The following PFKFB3 variants were observed in gnomAD, a reference collection of about 807,000 sequenced individuals.
PFKFB3 encodes the protein 6-phosphofructo-2-kinase/fructose-2,6-biphosphatase 3.
Under a neutral mutation model 68.0 loss-of-function variants are expected in PFKFB3, and 33 were observed. The observed-to-expected ratio is 0.49, with a 90% CI of 0.37 to 0.65. PFKFB3 has a LOEUF of 0.65. Ranked by LOEUF, PFKFB3 falls within the 30% of genes least tolerant of loss-of-function variation. The pLI, the probability that PFKFB3 is intolerant of heterozygous loss-of-function variation, is 0.00. For synonymous variants in PFKFB3, 315 were observed against 288.2 expected, an observed-to-expected ratio of 1.09 and a Z score of -0.94; for missense variants, 586 against 712.2, an observed-to-expected ratio of 0.82 and a Z score of 2.02.
At chr10:6,308,274 A>G in the PFKFB3 span, among the ~76,000 whole-genome samples, 2 of 152,240 alleles carry the variant, frequency 1.3e-5, no homozygotes, top group Non-Finnish European at 2.9e-5. Context: ...ACACTTAGGG[A>G]GGCCAAGGCA....
chr10:6,224,282 A>G, intron 13 of PFKFB3, 69 bp downstream of exon 13: 1 of 1,523,236 alleles, frequency 6.6e-7, no homozygotes, highest in South Asian at 1.1e-5. Flanking sequence ...ATGGGCGCTC[A>G]GGAGGCCCCG....
the PFKFB3 span, among the ~76,000 whole-genome samples, chr10:6,319,162 A>G: frequency 6.6e-6 from 1 of 152,242 alleles, no homozygotes; most frequent in Admixed American, 6.5e-5. Context: ...GCTATGCAGT[A>G]TCCACCCAAA....
the PFKFB3 span, among the ~76,000 whole-genome samples, chr10:6,306,257 A>G: frequency 6.6e-6 from 1 of 152,242 alleles, no homozygotes; most frequent in African/African-American, 2.4e-5. Flanking sequence ...CCAGTTTTCT[A>G]TGATGATTCT....
intron 1 of PFKFB3, among the ~76,000 whole-genome samples, chr10:6,196,985 A>ATTATTATTC (rs1177822403): frequency 1.3e-5 from 2 of 151,330 alleles, no homozygotes; most frequent in African/African-American, 4.9e-5. Context: ...ACTTATTATT[A>ATTATTATTC]TTATTATTAT....
At chr10:6,151,692 A>G (rs1342994334) in intron 1 of PFKFB3, among the ~76,000 whole-genome samples, 1 of 152,174 alleles carries the variant, frequency 6.6e-6, no homozygotes, top group Admixed American at 6.5e-5. Context: ...TCAGGCAGGC[A>G]GGGGCAAACG....
chr10:6,311,938 T>C, the PFKFB3 span, among the ~76,000 whole-genome samples: 1 of 152,094 alleles, frequency 6.6e-6, no homozygotes, highest in African/African-American at 2.4e-5. Flanking sequence ...GTCCCTGAAA[T>C]AGCTCCAAGA....
chr10:6,158,245 C>T (rs544777264), intron 1 of PFKFB3, among the ~76,000 whole-genome samples: 237 of 151,894 alleles, frequency 1.6e-3, no homozygotes, highest in Non-Finnish European at 3.0e-3. Context: ...GCCGAGATTG[C>T]GCCACTGCAC....
chr10:6,215,285 C>T lies in PFKFB3; in HGVS notation c.267C>T (p.Arg89=), dbSNP rs772727967. The change falls in exon 3 of 15, where the codon CGC becomes CGT. Residue 89 remains arginine (R), a synonymous_variant. Coordinates refer to ENST00000379775, the MANE Select transcript of PFKFB3 (RefSeq NM_004566.4). The surrounding 1 kb of genome is among the most constrained non-coding windows in gnomAD (Gnocchi z 4.3). ...AGTACAGCTCCTACAACTTCTTCCG[C>T]CCCGACAATGAGGAAGCCATGAAAG... ...VKQYSSYNFF[R]PDNEEAMKVR... is the part of the protein sequence containing the mutation. The T allele has an allele frequency of 1.9e-6, 3 of 1,613,958 alleles. No individual in the cohort carries two copies. The highest frequency in any genetic ancestry group is 2.5e-6 in the Non-Finnish European group (3 of 1,179,962).
At position 6,220,898 on chromosome 10, in the gene PFKFB3, G is replaced by T; in HGVS notation, c.831+33G>T. The T allele has an allele frequency of 1.3e-6, 2 of 1,598,840 alleles. No homozygotes were observed. ...GTGTGCTGCCGCATGGGCCGTTCTG[G>T]CTGTAGGGCGGTTGCAGGGTCTATA... is the stretch of plus-strand genomic sequence containing the variant. On this transcript the variant is annotated intron_variant, in intron 8 of 14. Transcript: ENST00000379775. The surrounding 1 kb of genome is among the most constrained non-coding windows in gnomAD (Gnocchi z 4.1).
downstream of PFKFB3, among the ~76,000 whole-genome samples, chr10:6,259,569 C>T (rs28587517): frequency 4.7e-3 from 88 of 18,810 alleles, no homozygotes; most frequent in South Asian, 0.039. Flanking sequence ...CATCCATCCA[C>T]TCATCCATCC....
chr10:6,164,654 C>A (rs927311912), intron 1 of PFKFB3, among the ~76,000 whole-genome samples: 1 of 152,108 alleles, frequency 6.6e-6, no homozygotes, highest in Non-Finnish European at 1.5e-5. Flanking sequence ...CAGTATTGAT[C>A]ATTATTTTTA....
At chr10:6,268,542 T>C in the PFKFB3 span, among the ~76,000 whole-genome samples, 1 of 151,934 alleles carries the variant, frequency 6.6e-6, no homozygotes, top group Non-Finnish European at 1.5e-5. Context: ...GGAGAATCAC[T>C]CGAACGCAGG....
At chr10:6,236,917 C>T (rs985064655), downstream of PFKFB3, among the ~76,000 whole-genome samples, 10 of 152,144 alleles carry the variant, frequency 6.6e-5, no homozygotes, top group South Asian at 2.1e-4. Context: ...TGGATGCTGT[C>T]GGGGAGAGGA....
intron 1 of PFKFB3, among the ~76,000 whole-genome samples, chr10:6,148,714 A>T (rs946027686): frequency 6.6e-6 from 1 of 152,192 alleles, no homozygotes; most frequent in Non-Finnish European, 1.5e-5. Flanking sequence ...GCATATCATG[A>T]CTAACTTTGG....
chr10:6,200,314 T>C (rs940968048), upstream of PFKFB3, among the ~76,000 whole-genome samples: 3 of 152,154 alleles, frequency 2.0e-5, no homozygotes, highest in Non-Finnish European at 4.4e-5. Context: ...GAGCGTTTTC[T>C]GAAGGGCCGC....
At chr10:6,160,193 G>T (rs1841931950) in intron 1 of PFKFB3, among the ~76,000 whole-genome samples, 1 of 152,218 alleles carries the variant, frequency 6.6e-6, no homozygotes, top group African/African-American at 2.4e-5. Context: ...GGCAGAAGCA[G>T]AGGATGGGGG....
rs374133114 is a variant in PFKFB3, at chr10:6,221,341, G to T, written c.832-40G>T. On this transcript the variant is annotated intron_variant, in intron 8 of 14. Transcript: ENST00000379775. ...CAGCCCTGGCTCTTGGAGGAGCTGC[G>T]GGCATCTGGAATCAGTGGTCCCCCT... is the stretch of plus-strand genomic sequence containing the variant. 364 of 1,609,988 alleles carry T rather than the reference G, an allele frequency of 2.3e-4. 1 individual carries two copies. Among genetic ancestry groups the T allele is most frequent in the Non-Finnish European group, 2.9e-4 (342 of 1,178,092 alleles).
Position 6,215,478 on chromosome 10 carries a change from T to A in PFKFB3, c.299+161T>A, listed in dbSNP as rs967367467. 6.6e-6 allele frequency among the ~76,000 whole-genome samples: 1 copy of A among 151,976 alleles called. No homozygotes were observed. Among genetic ancestry groups the A allele is most frequent in the African/African-American group, 2.4e-5 (1 of 41,354 alleles). ...GCGGGTGTAAGGCTGGGCTGCGGGC[T>A]TGGGCTTGCTTTGTTCTGAGCCAGG... On this transcript the variant is annotated intron_variant, in intron 3 of 14. Coordinates refer to ENST00000379775, the MANE Select transcript of PFKFB3 (RefSeq NM_004566.4). This position sits in a 1 kb window ranked among gnomAD's most constrained non-coding sequence, Gnocchi z 4.3.
At position 6,154,623 on chromosome 10, in the gene PFKFB3, G is replaced by A. The variant is rs561723280; in HGVS notation, c.16+9610G>A. 8.5e-5 allele frequency among the ~76,000 whole-genome samples: 13 copies of A among 152,278 alleles called. No individual in the cohort carries two copies. Among genetic ancestry groups the A allele is most frequent in the African/African-American group, 3.1e-4 (13 of 41,566 alleles). On this transcript the variant is annotated intron_variant, in intron 1 of 14. Coordinates refer to the PFKFB3 transcript ENST00000379789. The surrounding 1 kb of genome is among the most constrained non-coding windows in gnomAD (Gnocchi z 4.6). Reference sequence around the variant, plus strand: ...TCCTGAGAGCAGACTGTGGGGTGGCGGGGGAGGCAGGAGACCAGGTGGGAG... The same window carrying A: ...TCCTGAGAGCAGACTGTGGGGTGGCAGGGGAGGCAGGAGACCAGGTGGGAG...
Sources: gnomAD v4.1 joint callset for allele counts (sites outside exome capture counted in the v4.1 genomes callset) on GRCh38, gnomAD v4.1.1 for gene constraint, Gnocchi (gnomAD v3.1) non-coding constraint, MANE v1.5 for transcripts, NCBI Gene and HGNC (gene_info 2026-07-23, HGNC 2026-07-21) for gene names.